KIAA0319L: variants seen among roughly 807,000 people sequenced by gnomAD.
The protein encoded by KIAA0319L is KIAA0319 like.
A neutral mutation model predicts 120.1 loss-of-function variants in KIAA0319L; 55 were observed. The ratio of observed to expected loss-of-function variants is 0.46; its 90% CI spans 0.37 to 0.57. The LOEUF is 0.57. KIAA0319L is among the 20% of genes least tolerant of loss of function. KIAA0319L has a pLI of 0.00. For missense variants in KIAA0319L, 1,049 were observed against 1,255.3 expected, an observed-to-expected ratio of 0.84 and a Z score of 2.48; for synonymous variants, 398 against 471.9, an observed-to-expected ratio of 0.84 and a Z score of 2.03.
At chr1:35,496,946 CCAA>C (rs1339771653) in intron 3 of KIAA0319L, among the ~76,000 whole-genome samples, 3 of 64,372 alleles carry the variant, frequency 4.7e-5, no homozygotes, top group African/African-American at 1.2e-4. Flanking sequence ...GATTGTGTCT[CCAA>C]AAAAAAAAAA....
At chr1:35,529,067 A>G (rs967470567) in intron 2 of KIAA0319L, among the ~76,000 whole-genome samples, 1 of 151,946 alleles carries the variant, frequency 6.6e-6, no homozygotes, top group East Asian at 1.9e-4. Context: ...ACAGTCTGTT[A>G]TTGTTGTTGT....
intron 12 of KIAA0319L, 67 bp from the exon 13 acceptor site, chr1:35,451,843 G>C (rs1488405738): frequency 6.6e-7 from 1 of 1,523,456 alleles, no homozygotes. Flanking sequence ...TAACTTAGCA[G>C]GAGGAGACAA....
At chr1:35,521,031 T>C (rs1014907090) in intron 2 of KIAA0319L, among the ~76,000 whole-genome samples, 4 of 152,300 alleles carry the variant, frequency 2.6e-5, no homozygotes, top group Middle Eastern at 3.4e-3. Context: ...CATTCATCAG[T>C]TGATAACTGG....
chr1:35,444,245 C>T lies in KIAA0319L; in HGVS notation c.2572G>A (p.Glu858Lys). 1 of 1,609,528 alleles carries T rather than the reference C, an allele frequency of 6.2e-7. No individual in the cohort carries two copies. Among genetic ancestry groups the T allele is most frequent in the East Asian group, 2.2e-5 (1 of 44,628 alleles). Residue 858 changes from glutamate (E) to lysine (K), a missense_variant, in exon 17 of 21, where the codon GAG (glutamate) becomes AAG (lysine). Glu to Lys is a moderately conservative substitution (Grantham distance 56, BLOSUM62 1). Coordinates refer to ENST00000325722, the MANE Select transcript of KIAA0319L (RefSeq NM_024874.5). ...EPPHQIFKGH[E>K]VAAMLKSELR... ...TCACTCTTGAGCATCGCTGCCACCT[C>T]ATGGCCTTTGAAGATCTGGTGGGGA...
chr1:35,451,511 CCCTCTTACCCA>C (rs1384270651), intron 13 of KIAA0319L, 106 bp downstream of exon 13: 1 of 983,650 alleles, frequency 1.0e-6, no homozygotes, highest in African/African-American at 1.6e-5. Context: ...CTCACCCCAA[CCCTCTTACCCA>C]CCTCTTGCTA....
At chr1:35,462,024 G>T (rs1045143066) in intron 8 of KIAA0319L, among the ~76,000 whole-genome samples, 2 of 152,138 alleles carry the variant, frequency 1.3e-5, no homozygotes, top group African/African-American at 4.8e-5. Context: ...GCAAATACTG[G>T]TGAGAGGATA....
rs937748745 is a variant in KIAA0319L, at chr1:35,437,828, C to G, written c.2963-2747G>C. Among the ~76,000 whole-genome samples, 4 of 152,152 alleles carry G rather than the reference C, an allele frequency of 2.6e-5. No homozygotes were observed. The highest frequency in any genetic ancestry group is 4.4e-5 in the Non-Finnish European group (3 of 68,032). On this transcript the variant is annotated intron_variant, in intron 20 of 20. Transcript: ENST00000325722. This position sits in a 1 kb window ranked among gnomAD's most constrained non-coding sequence, Gnocchi z 4.1. ...TGGGAGATTCCTATTTCTACAGTTC[C>G]ATGTCTGACTCTTCTGCTGAGTTCC...
chr1:35,473,859 A>G (rs1643787873), intron 5 of KIAA0319L, among the ~76,000 whole-genome samples: 1 of 152,234 alleles, frequency 6.6e-6, no homozygotes, highest in Non-Finnish European at 1.5e-5. Context: ...TTTAATGATA[A>G]CATAAACCCA....
At chr1:35,535,409 T>C (rs902093847) in intron 2 of KIAA0319L, among the ~76,000 whole-genome samples, 1 of 152,142 alleles carries the variant, frequency 6.6e-6, no homozygotes, top group African/African-American at 2.4e-5. Context: ...CTCTCTTCTA[T>C]CTTTTGGCCC....
In KIAA0319L at chr1:35,454,470, T is replaced by C. The variant is rs762912068; in HGVS notation, c.1672A>G (p.Thr558Ala). Residue 558 changes from threonine (T) to alanine (A), a missense_variant, in exon 11 of 21, where the codon ACC becomes GCC. Transcript: ENST00000325722. The part of the protein sequence containing the change: ...VVEMQGVRTP[T>A]LQLSAMQEGD... ...TCTTGCATCGCAGAGAGCTGTAAGG[T>C]TGGTGTTCTAACACCCTACAAATAC... 1.5e-5 allele frequency: 25 copies of C among 1,614,018 alleles called. No homozygotes were observed. Among genetic ancestry groups the C allele is most frequent in the Non-Finnish European group, 1.9e-5 (23 of 1,179,992 alleles).
intron 2 of KIAA0319L, among the ~76,000 whole-genome samples, chr1:35,508,719 GCTAA>G (rs1197680969): frequency 1.3e-5 from 2 of 152,094 alleles, no homozygotes; most frequent in Non-Finnish European, 2.9e-5. Flanking sequence ...CTCGGTAACA[GCTAA>G]CTGAGTGAAC....
At chr1:35,527,571 T>C (rs1646198535) in intron 2 of KIAA0319L, among the ~76,000 whole-genome samples, 1 of 152,170 alleles carries the variant, frequency 6.6e-6, no homozygotes, top group Admixed American at 6.5e-5. Flanking sequence ...ATTGATTCAA[T>C]CTTGTGACTT....
intron 3 of KIAA0319L, among the ~76,000 whole-genome samples, chr1:35,489,673 T>C (rs1644518780): frequency 6.6e-6 from 1 of 151,292 alleles, no homozygotes; most frequent in African/African-American, 2.4e-5. Context: ...TCTTTGGGTT[T>C]TTTTTTTTTT....
At chr1:35,499,629 CA>C (rs1439666344) in intron 3 of KIAA0319L, among the ~76,000 whole-genome samples, 3 of 151,618 alleles carry the variant, frequency 2.0e-5, no homozygotes, top group Non-Finnish European at 2.9e-5. Flanking sequence ...AAACTCACTG[CA>C]CATACTAAAA....
rs1181326703 is a variant in KIAA0319L, at chr1:35,510,596, T to C, written c.143-3461A>G. On this transcript the variant is annotated intron_variant, in intron 2 of 20. Coordinates refer to ENST00000325722, the MANE Select transcript of KIAA0319L (RefSeq NM_024874.5). ...AAGCCTTTTAAAAACATTTATTTAT[T>C]TATTTATTTATTTATTTATTTATTT... 6 of 150,298 alleles carry C rather than the reference T, an allele frequency of 4.0e-5. No individual in the cohort carries two copies. In the East Asian group the frequency reaches 1.2e-3, roughly 30 times the overall value. 9.3% of individuals were successfully genotyped at this position (150,298 alleles called of 1,614,324 possible).
chr1:35,522,881 T>A (rs1287811727), intron 2 of KIAA0319L, among the ~76,000 whole-genome samples: 2 of 151,356 alleles, frequency 1.3e-5, no homozygotes, highest in Non-Finnish European at 2.9e-5. Flanking sequence ...TAGCCGGGCG[T>A]GGTGGCAGGC....
chr1:35,484,792 ATATATATATATATATTT>A (rs1644307843), intron 3 of KIAA0319L, among the ~76,000 whole-genome samples: 1 of 50,212 alleles, frequency 2.0e-5, no homozygotes, highest in African/African-American at 1.1e-4. Context: ...ATATATATAT[ATATATATATATATATTT>A]TTTTTTTTAT....
At chr1:35,543,281 CAT>C (rs1309034934) in intron 2 of KIAA0319L, among the ~76,000 whole-genome samples, 1 of 152,156 alleles carries the variant, frequency 6.6e-6, no homozygotes, top group East Asian at 1.9e-4. Context: ...CCCCAAGTGA[CAT>C]GTACTCAAGT....
At chr1:35,455,963 G>A in intron 10 of KIAA0319L, 50 bp downstream of exon 10, 2 of 1,383,886 alleles carry the variant, frequency 1.4e-6, no homozygotes, top group African/African-American at 1.4e-5. Context: ...ATGCAGTCCA[G>A]CAGCTCTACT....
Sources: gnomAD v4.1 joint callset for allele counts (sites outside exome capture counted in the v4.1 genomes callset) on GRCh38, gnomAD v4.1.1 for gene constraint, Gnocchi (gnomAD v3.1) non-coding constraint, MANE v1.5 for transcripts, NCBI Gene and HGNC (gene_info 2026-07-23, HGNC 2026-07-21) for gene names.